The following HECTD2 variants were observed in gnomAD, a reference collection of about 807,000 sequenced individuals.
HECTD2 encodes the protein probable E3 ubiquitin-protein ligase HECTD2.
A neutral mutation model predicts 103.2 loss-of-function variants in HECTD2; 35 were observed. The ratio of observed to expected loss-of-function variants is 0.34; its 90% CI spans 0.26 to 0.45. The LOEUF (loss-of-function observed/expected upper bound fraction) is 0.45. Among genes scored for constraint, HECTD2 ranks in the 20% least tolerant of loss-of-function variants. The pLI is 1.00. For missense variants in HECTD2, 596 were observed against 937.4 expected, an observed-to-expected ratio of 0.64 and a Z score of 4.76; for synonymous variants, 281 against 329.9, an observed-to-expected ratio of 0.85 and a Z score of 1.61.
At chr10:91,440,603 G>T (rs1844372236) in intron 2 of HECTD2, among the ~76,000 whole-genome samples, 1 of 136,256 alleles carries the variant, frequency 7.3e-6, no homozygotes, top group Non-Finnish European at 1.6e-5. Context: ...AAGTGAGTTA[G>T]GGAGGAGTTC....
intron 5 of HECTD2, among the ~76,000 whole-genome samples, chr10:91,465,864 A>G (rs574795871): frequency 2.0e-5 from 3 of 152,160 alleles, no homozygotes; most frequent in African/African-American, 4.8e-5. Context: ...TTTTGCATCT[A>G]TGTTCATGAG....
At chr10:91,419,768 G>A (rs1284063526) in intron 1 of HECTD2, among the ~76,000 whole-genome samples, 3 of 152,016 alleles carry the variant, frequency 2.0e-5, no homozygotes, top group Non-Finnish European at 4.4e-5. Context: ...TCTTCAATCT[G>A]GAACAGCTGG....
At chr10:91,435,947 A>G (rs1426056694) in intron 2 of HECTD2, among the ~76,000 whole-genome samples, 2 of 151,920 alleles carry the variant, frequency 1.3e-5, no homozygotes, top group African/African-American at 4.8e-5. Flanking sequence ...AATATTCTCA[A>G]AACTCTTCTA....
At chr10:91,410,714 C>A in intron 1 of HECTD2, 138 bp downstream of exon 1, 1 of 759,002 alleles carries the variant, frequency 1.3e-6, no homozygotes, top group East Asian at 3.5e-5. Context: ...TCAGGCCGCC[C>A]TTCCTTGGGC....
At chr10:91,489,757 A>G (rs1180227024) in intron 11 of HECTD2, 1 of 152,206 alleles carries the variant, frequency 6.6e-6, no homozygotes, top group Admixed American at 6.5e-5. Flanking sequence ...AGCGTTGTAT[A>G]TAGGAGAAAT....
chr10:91,410,034 G>T (rs899196169), upstream of HECTD2, among the ~76,000 whole-genome samples: 1 of 152,276 alleles, frequency 6.6e-6, no homozygotes, highest in South Asian at 2.1e-4. Flanking sequence ...TCTCCTGCGC[G>T]GCCCGGGTGC....
At chr10:91,424,248 T>A (rs971573074) in intron 1 of HECTD2, among the ~76,000 whole-genome samples, 1 of 152,150 alleles carries the variant, frequency 6.6e-6, no homozygotes, top group Non-Finnish European at 1.5e-5. Flanking sequence ...ACTTGTGGCC[T>A]GTTAGAATGA....
chr10:91,419,049 GAT>G (rs1843245324), intron 1 of HECTD2, among the ~76,000 whole-genome samples: 1 of 152,104 alleles, frequency 6.6e-6, no homozygotes, highest in African/African-American at 2.4e-5. Context: ...AAGATAGTGA[GAT>G]ACGGCTTTTA....
chr10:91,472,142 C>A (rs956427611), intron 5 of HECTD2, among the ~76,000 whole-genome samples: 1 of 152,044 alleles, frequency 6.6e-6, no homozygotes, highest in Non-Finnish European at 1.5e-5. Context: ...AATAGAGAGC[C>A]TAGAACTGAT....
intron 2 of HECTD2, among the ~76,000 whole-genome samples, chr10:91,427,064 T>C (rs1377590251): frequency 9.4e-5 from 13 of 138,828 alleles, no homozygotes. Context: ...TGTGTTCTCA[T>C]TGTTCAATTC....
chr10:91,438,158 G>A (rs1359248102), intron 2 of HECTD2, among the ~76,000 whole-genome samples: 3 of 151,560 alleles, frequency 2.0e-5, no homozygotes, highest in East Asian at 1.9e-4. Context: ...AGGTATACAC[G>A]TGCAATGGTG....
chr10:91,494,014 AT>A (rs1846572428), intron 14 of HECTD2, among the ~76,000 whole-genome samples: 1 of 152,046 alleles, frequency 6.6e-6, no homozygotes. Flanking sequence ...ATTTTTAAAA[AT>A]TTTATAAGTC....
chr10:91,456,421 AT>A (rs1380843284), intron 2 of HECTD2, among the ~76,000 whole-genome samples: 3 of 151,994 alleles, frequency 2.0e-5, no homozygotes, highest in Non-Finnish European at 2.9e-5. Flanking sequence ...TTGCACATTG[AT>A]TTTTGTATCC....
chr10:91,435,693 A>G (rs1051863628), intron 2 of HECTD2, among the ~76,000 whole-genome samples: 49 of 151,948 alleles, frequency 3.2e-4, no homozygotes, highest in African/African-American at 1.0e-3. Context: ...AAGTTTTGAA[A>G]TTGCACAGTG....
At chr10:91,416,906 T>G (rs1429927305) in intron 1 of HECTD2, among the ~76,000 whole-genome samples, 2 of 130,786 alleles carry the variant, frequency 1.5e-5, no homozygotes, top group East Asian at 2.3e-4. Context: ...CTCTGAACTC[T>G]TTGGGGCTGG....
intron 20 of HECTD2, among the ~76,000 whole-genome samples, chr10:91,507,023 C>A (rs1178944388): frequency 3.9e-5 from 6 of 152,092 alleles, no homozygotes; most frequent in Admixed American, 6.5e-5. Flanking sequence ...AAGACAAAAA[C>A]CACATGATTA....
intron 20 of HECTD2, among the ~76,000 whole-genome samples, chr10:91,508,348 G>A (rs1433956855): frequency 4.7e-5 from 7 of 147,388 alleles, no homozygotes; most frequent in Admixed American, 4.0e-4. Context: ...CTACAAAATG[G>A]GAGAAAATTT....
chr10:91,413,342 G>A (rs1842998097), intron 1 of HECTD2, among the ~76,000 whole-genome samples: 1 of 152,142 alleles, frequency 6.6e-6, no homozygotes, highest in Non-Finnish European at 1.5e-5. Flanking sequence ...GTCCATTCCA[G>A]CTAGTGAGGA....
chr10:91,504,506 A>C (rs1301355017), intron 20 of HECTD2, among the ~76,000 whole-genome samples: 69 of 152,270 alleles, frequency 4.5e-4, no homozygotes, highest in African/African-American at 4.3e-4. Flanking sequence ...CCAATGCGAT[A>C]AACTGGAAGA....
Sources: allele counts gnomAD v4.1 joint callset (sites outside exome capture counted in the v4.1 genomes callset), GRCh38; gene constraint gnomAD v4.1.1; transcripts MANE v1.5; gene names NCBI Gene and HGNC (gene_info 2026-07-23, HGNC 2026-07-21).